The following APOO variants were observed in gnomAD, a reference collection of about 807,000 sequenced individuals.
APOO encodes apolipoprotein O, also known as MICOS complex subunit MIC26.
In APOO, 11 loss-of-function variants were observed where a neutral mutation model predicts 23.1. The observed-to-expected ratio is 0.48, with a 90% confidence interval of 0.30 to 0.79. APOO has a LOEUF of 0.79. Ranked by LOEUF, APOO falls within the 30% of genes least tolerant of loss-of-function variation. APOO has a pLI of 0.07. For synonymous variants in APOO, 59 were observed against 54.8 expected, an observed-to-expected ratio of 1.08 and a Z score of -0.34; for missense variants, 160 against 142.7, an observed-to-expected ratio of 1.12 and a Z score of -0.62.
At position 23,905,222 on chromosome X, in the gene APOO, T is replaced by C. The variant is rs190487442; in HGVS notation, c.9+2472A>G. ...GCCAACACATGGTGAAACTCCGTCTTTATTAAAAATACAAAAAAATTAGCC... is the reference window on the plus strand; with the variant it reads ...GCCAACACATGGTGAAACTCCGTCTCTATTAAAAATACAAAAAAATTAGCC... On this transcript the variant is annotated intron_variant, in intron 1 of 8. Transcript: ENST00000379226. Among the ~76,000 whole-genome samples the C allele has an allele frequency of 9.7e-3, 1,058 of 108,751 alleles. 9 individuals carry two copies. Among genetic ancestry groups the C allele is most frequent in the South Asian group, 0.015 (36 of 2,461 alleles). The allele number at this position is 108,751 out of a possible 115,157, so 94.4% of individuals were successfully genotyped here.
In APOO at chrX:23,880,852, A is replaced by C; in HGVS notation, c.110T>G (p.Val37Gly). Residue 37 changes from valine (V) to glycine (G), a missense_variant, in exon 2 of 9, where the codon GTT becomes GGT. Transcript: ENST00000379226. Reference sequence around the variant, plus strand: ...ACATGAACAACATGTTACCTCATCAACCTTCACGGAATTTTTGGGAGGTGA... The same window carrying C: ...ACATGAACAACATGTTACCTCATCACCCTTCACGGAATTTTTGGGAGGTGA... ...KDSPPKNSVK[V>G]DELSLYSVPE... is the part of the protein sequence containing the mutation. 13 of 1,178,590 alleles carry C rather than the reference A, an allele frequency of 1.1e-5. No homozygotes were observed. The highest frequency in any genetic ancestry group is 1.1e-5 in the Non-Finnish European group (10 of 879,044).
chrX:23,864,855 T>C (rs187183389), intron 5 of APOO, among the ~76,000 whole-genome samples: 12 of 110,549 alleles, frequency 1.1e-4, no homozygotes, highest in Non-Finnish European at 2.1e-4. Flanking sequence ...CCCCATCCAC[T>C]TGAAGCAGCT....
chrX:23,851,255 G>A (rs987396171), intron 7 of APOO, among the ~76,000 whole-genome samples: 3 of 109,353 alleles, frequency 2.7e-5, no homozygotes, highest in Non-Finnish European at 5.7e-5. Context: ...GTGCAGTGGC[G>A]CGATCTTGGC....
In APOO at chrX:23,846,591, T is replaced by G. The variant is rs747491202; in HGVS notation, c.562-6214A>C. Among the ~76,000 whole-genome samples, 4 of 96,546 alleles carry G rather than the reference T, an allele frequency of 4.1e-5. No individual in the cohort carries two copies. The East Asian group carries it at 1.3e-3, about 32-fold the overall frequency. The allele number at this position is 96,546 out of a possible 115,157, so 83.8% of individuals were successfully genotyped here. On this transcript the variant is annotated intron_variant, in intron 7 of 8. Coordinates refer to ENST00000379226, the MANE Select transcript of APOO (RefSeq NM_024122.5). ...GAACGCGATCGCACCACTGCACCAC[T>G]GCACTCCAGCCTGGGCTACAGAGCA...
At chrX:23,905,686 CAA>C (rs111900941) in intron 1 of APOO, among the ~76,000 whole-genome samples, 5 of 111,953 alleles carry the variant, frequency 4.5e-5, no homozygotes, top group African/African-American at 1.6e-4. Flanking sequence ...TAATTGCATA[CAA>C]AAAAGTCCCA....
chrX:23,877,595 G>A (rs1045990478), intron 3 of APOO, among the ~76,000 whole-genome samples: 6 of 110,724 alleles, frequency 5.4e-5, no homozygotes, highest in Admixed American at 9.7e-5. Context: ...CCAACATGGC[G>A]AAACTCTGCC....
intron 4 of APOO, among the ~76,000 whole-genome samples, chrX:23,873,952 TG>T (rs758802125): frequency 2.7e-5 from 3 of 111,130 alleles, no homozygotes; most frequent in African/African-American, 6.5e-5. Flanking sequence ...TAAAACCAAA[TG>T]AAAAAAAAGT....
chrX:23,834,725 C>T (rs1169674671), intron 8 of APOO, among the ~76,000 whole-genome samples: 5 of 101,775 alleles, frequency 4.9e-5, no homozygotes, highest in Admixed American at 1.1e-4. Flanking sequence ...TTGCTTTTTT[C>T]ATATTTTTTT....
At chrX:23,898,999 A>G (rs1467645414) in intron 1 of APOO, among the ~76,000 whole-genome samples, 3 of 112,551 alleles carry the variant, frequency 2.7e-5, no homozygotes, top group Middle Eastern at 4.6e-3. Flanking sequence ...CTTTTCAGGA[A>G]TATCTGAAAA....
At chrX:23,845,942 TA>T (rs1033285221) in intron 7 of APOO, among the ~76,000 whole-genome samples, 1 of 111,327 alleles carries the variant, frequency 9.0e-6, no homozygotes, top group Non-Finnish European at 1.9e-5. Context: ...TTTGTTGCAT[TA>T]AAAAAAAGCT....
intron 1 of APOO, among the ~76,000 whole-genome samples, chrX:23,892,566 G>C (rs1428878576): frequency 9.1e-6 from 1 of 109,328 alleles, no homozygotes. Flanking sequence ...TCAGGAAATC[G>C]AGACCATCCT....
intron 2 of APOO, among the ~76,000 whole-genome samples, chrX:23,879,436 A>AAAT (rs1212503850): frequency 9.0e-6 from 1 of 111,696 alleles, no homozygotes; most frequent in Non-Finnish European, 1.9e-5. Flanking sequence ...TCCATCTCAA[A>AAAT]AATAATAATA....
chrX:23,848,425 A>G, intron 7 of APOO, among the ~76,000 whole-genome samples: 1 of 111,711 alleles, frequency 9.0e-6, no homozygotes, highest in Non-Finnish European at 1.9e-5. Flanking sequence ...CGGCCTGCCA[A>G]AGTGCTGGGA....
At chrX:23,899,011 A>G (rs1404026150) in intron 1 of APOO, among the ~76,000 whole-genome samples, 1 of 112,530 alleles carries the variant, frequency 8.9e-6, no homozygotes. Context: ...ATCTGAAAAA[A>G]GAAACTACTG....
Position 23,884,856 on chromosome X carries a change from A to G in APOO, c.10-3904T>C, listed in dbSNP as rs760466799. On this transcript the variant is annotated intron_variant, in intron 1 of 8. Transcript: ENST00000379226. The stretch of plus-strand genomic sequence containing the variant: ...AGCATTCCTGAGAGAGGAAGTAGAA[A>G]AAGAGGGGCAAGTCTGAGGGAAAAA... 2.7e-5 allele frequency among the ~76,000 whole-genome samples: 3 copies of G among 111,474 alleles called. No homozygotes were observed. The East Asian group carries it at 8.4e-4, about 31-fold the overall frequency.
intron 1 of APOO, among the ~76,000 whole-genome samples, chrX:23,887,733 A>G (rs1198902402): frequency 1.8e-5 from 2 of 111,862 alleles, no homozygotes; most frequent in Non-Finnish European, 3.8e-5. Context: ...TTTGCATTAT[A>G]TGAGTTAGGC....
chrX:23,837,056 G>C, intron 8 of APOO: 5 of 726,451 alleles, frequency 6.9e-6, no homozygotes, highest in Non-Finnish European at 1.1e-5. Flanking sequence ...ATCTTGTAAC[G>C]GAAGCCCAGT....
At chrX:23,847,313 AATTT>A (rs1319167585) in intron 7 of APOO, among the ~76,000 whole-genome samples, 1 of 111,704 alleles carries the variant, frequency 9.0e-6, no homozygotes, top group African/African-American at 3.2e-5. Context: ...AATGATTTTT[AATTT>A]ATTTATTATT....
At chrX:23,885,185 G>A (rs1182251398) in intron 1 of APOO, among the ~76,000 whole-genome samples, 3 of 108,111 alleles carry the variant, frequency 2.8e-5, no homozygotes, top group Non-Finnish European at 3.8e-5. Context: ...GATCACCTGA[G>A]GTCGGGAGTT....
Sources: gnomAD v4.1 joint callset for allele counts (sites outside exome capture counted in the v4.1 genomes callset) on GRCh38, gnomAD v4.1.1 for gene constraint, MANE v1.5 for transcripts, NCBI Gene and HGNC (gene_info 2026-07-23, HGNC 2026-07-21) for gene names.